The following UNC5D variants were observed in gnomAD, a reference collection of about 807,000 sequenced individuals.
The protein encoded by UNC5D is netrin receptor UNC5D.
A neutral mutation model predicts 105.4 loss-of-function variants in UNC5D; 39 were observed. The ratio of observed to expected loss-of-function variants is 0.37; its 90% CI spans 0.29 to 0.48. The LOEUF (loss-of-function observed/expected upper bound fraction) is 0.48, where lower values mean the gene tolerates loss of function less well. UNC5D is among the 20% of genes least tolerant of loss of function. The pLI is 0.98. For missense variants in UNC5D, 991 were observed against 1,202.4 expected (o/e 0.82, Z 2.60); for synonymous variants, 452 against 450.4 (o/e 1.00, Z -0.04).
chr8:35,701,552 G>T (rs1353740769), intron 7 of UNC5D, among the ~76,000 whole-genome samples: 1 of 152,072 alleles, frequency 6.6e-6, no homozygotes. Flanking sequence ...AAAAAAGGAA[G>T]CAAGAAATTA....
rs145024541 is a variant in UNC5D at position 35,702,583 on chromosome 8, G to A, written c.1085-3346G>A. On this transcript the variant is annotated intron_variant, in intron 7 of 16. Coordinates refer to ENST00000404895, the MANE Select transcript of UNC5D (RefSeq NM_080872.4). ...AGTTGATCAAGGATGTTCCATGGCC[G>A]GGAGCCTTGTGAGAAAATGATTATG... 1.8e-3 allele frequency among the ~76,000 whole-genome samples: 269 copies of A among 152,202 alleles called. 1 individual carries two copies. Among genetic ancestry groups the A allele is most frequent in the Non-Finnish European group, 2.4e-3 (165 of 68,002 alleles).
chr8:35,611,032 A>AAAAAT (rs1820645481), intron 4 of UNC5D, among the ~76,000 whole-genome samples: 3 of 148,006 alleles, frequency 2.0e-5, no homozygotes, highest in Non-Finnish European at 4.5e-5. Flanking sequence ...AAAAAAAAAA[A>AAAAAT]GTGCAAAACA....
At chr8:35,292,236 G>A (rs1006184840) in intron 1 of UNC5D, among the ~76,000 whole-genome samples, 1 of 152,138 alleles carries the variant, frequency 6.6e-6, no homozygotes, top group Non-Finnish European at 1.5e-5. Flanking sequence ...TTCTGAAGAA[G>A]GAAGTAAAGT....
At chr8:35,578,466 C>T (rs1586173158) in intron 3 of UNC5D, among the ~76,000 whole-genome samples, 1 of 152,140 alleles carries the variant, frequency 6.6e-6, no homozygotes, top group South Asian at 2.1e-4. Flanking sequence ...ACCAGATAGA[C>T]ATGGCACATG....
intron 1 of UNC5D, among the ~76,000 whole-genome samples, chr8:35,307,724 A>T (rs1252709984): frequency 6.6e-6 from 1 of 152,156 alleles, no homozygotes; most frequent in Non-Finnish European, 1.5e-5. Flanking sequence ...CCACTAGTGC[A>T]GTCTTTTGGG....
intron 1 of UNC5D, among the ~76,000 whole-genome samples, chr8:35,418,676 G>T (rs1226330218): frequency 2.6e-5 from 4 of 152,256 alleles, no homozygotes; most frequent in Non-Finnish European, 2.9e-5. Context: ...ATTAAGGAAA[G>T]TTCCACCCCA....
intron 1 of UNC5D, among the ~76,000 whole-genome samples, chr8:35,346,980 A>C (rs1056395966): frequency 3.3e-5 from 5 of 152,018 alleles, no homozygotes; most frequent in African/African-American, 7.2e-5. Context: ...TGCAGACAAG[A>C]GAGTTTATAC....
At chr8:35,245,971 A>T (rs1803066564) in intron 1 of UNC5D, among the ~76,000 whole-genome samples, 1 of 151,498 alleles carries the variant, frequency 6.6e-6, no homozygotes, top group East Asian at 2.0e-4. Flanking sequence ...CCATCACTTC[A>T]CTCTCCATGG....
chr8:35,794,885 A>C lies in UNC5D; in HGVS notation c.*4322A>C, dbSNP rs926550615. 4.6e-5 allele frequency: 7 copies of C among 152,204 alleles called. No individual in the cohort carries two copies. The highest frequency in any genetic ancestry group is 1.7e-4 in the African/African-American group (7 of 41,448). The allele number at this position is 152,204 out of a possible 1,614,324, so 9.4% of individuals were successfully genotyped here. ...CTTCGAAAAGTAACAGGGGATGGAA[A>C]TCAGACCTGGCCGTTAGTCACTAGT... On this transcript the variant is annotated 3_prime_UTR_variant, in exon 17 of 17. Coordinates refer to ENST00000404895, the MANE Select transcript of UNC5D (RefSeq NM_080872.4).
chr8:35,664,794 G>A (rs1319469033), intron 4 of UNC5D, among the ~76,000 whole-genome samples: 1 of 151,992 alleles, frequency 6.6e-6, no homozygotes, highest in Non-Finnish European at 1.5e-5. Context: ...GAAATTTTGA[G>A]TTATTTTTAG....
At chr8:35,655,645 A>T (rs1389721235) in intron 4 of UNC5D, among the ~76,000 whole-genome samples, 2 of 152,210 alleles carry the variant, frequency 1.3e-5, no homozygotes, top group Non-Finnish European at 2.9e-5. Context: ...AGTAGTTCAT[A>T]ATATAAGATT....
At chr8:35,657,076 G>GTATATA (rs1823795081) in intron 4 of UNC5D, among the ~76,000 whole-genome samples, 3 of 94,454 alleles carry the variant, frequency 3.2e-5, no homozygotes, top group Admixed American at 2.2e-4. Flanking sequence ...GTGTGTGTGT[G>GTATATA]TGTGTATATA....
chr8:35,437,143 C>G (rs1002674499), intron 1 of UNC5D, among the ~76,000 whole-genome samples: 2 of 151,896 alleles, frequency 1.3e-5, no homozygotes, highest in Non-Finnish European at 2.9e-5. Context: ...CTGGCTCATA[C>G]TTCGTTATTC....
At chr8:35,256,408 G>A (rs1169898787) in intron 1 of UNC5D, 1 of 151,992 alleles carries the variant, frequency 6.6e-6, no homozygotes, top group Non-Finnish European at 1.5e-5. Context: ...ATGGTGGTTT[G>A]CTGCACCCAT....
chr8:35,678,075 C>T (rs1276637366), intron 4 of UNC5D, among the ~76,000 whole-genome samples: 5 of 152,004 alleles, frequency 3.3e-5, no homozygotes, highest in Non-Finnish European at 1.5e-5. Context: ...TAGAAGCAGA[C>T]CATAGTATAT....
intron 4 of UNC5D, among the ~76,000 whole-genome samples, chr8:35,624,366 T>C (rs1450502280): frequency 1.3e-5 from 2 of 152,212 alleles, no homozygotes; most frequent in Non-Finnish European, 2.9e-5. Context: ...TAAACACCAG[T>C]GTTGCACAGG....
intron 1 of UNC5D, among the ~76,000 whole-genome samples, chr8:35,378,242 AC>A (rs1802815058): frequency 6.6e-6 from 1 of 152,168 alleles, no homozygotes; most frequent in South Asian, 2.1e-4. Context: ...AATACAAAGT[AC>A]CTTATAAATG....
rs56157732 is a variant in UNC5D at position 35,413,292 on chromosome 8, T to TGTGTGTTG, written c.104-136000_104-135999insGTGTGTTG. ...GTGTGTGTGTGTGTGTGTGTGTGTG[T>TGTGTGTTG]TGTGTGTGTGTGTGTGTTTTCTCTC... On this transcript the variant is annotated intron_variant, in intron 1 of 16. Coordinates refer to ENST00000404895, the MANE Select transcript of UNC5D (RefSeq NM_080872.4). 3.0e-3 allele frequency among the ~76,000 whole-genome samples: 389 copies of TGTGTGTTG among 128,032 alleles called. 2 individuals are homozygous for TGTGTGTTG. Among genetic ancestry groups the TGTGTGTTG allele is most frequent in the African/African-American group, 0.01 (335 of 32,670 alleles). The allele number at this position is 128,032 out of a possible 152,430, so 84.0% of individuals were successfully genotyped here.
intron 4 of UNC5D, among the ~76,000 whole-genome samples, chr8:35,663,856 G>A (rs1420509469): frequency 6.6e-6 from 1 of 152,100 alleles, no homozygotes; most frequent in East Asian, 1.9e-4. Flanking sequence ...GATAAGAGGT[G>A]GTTGATTTGA....
Sources: allele counts gnomAD v4.1 joint callset (sites outside exome capture counted in the v4.1 genomes callset), GRCh38; gene constraint gnomAD v4.1.1; transcripts MANE v1.5; gene names NCBI Gene and HGNC (gene_info 2026-07-23, HGNC 2026-07-21).